The following CRIM1 variants were observed in gnomAD, a reference collection of about 807,000 sequenced individuals.
CRIM1 encodes cysteine rich transmembrane BMP regulator 1.
A neutral mutation model predicts 116.4 loss-of-function variants in CRIM1; 32 were observed. The observed-to-expected ratio is 0.27, with a 90% CI of 0.21 to 0.37. The LOEUF is 0.37. Among genes scored for constraint, CRIM1 ranks in the 10% least tolerant of loss-of-function variants. CRIM1 has a pLI of 1.00. For missense variants in CRIM1, 1,331 were observed against 1,354.8 expected, an observed-to-expected ratio of 0.98 and a Z score of 0.28; for synonymous variants, 590 against 509.2, an observed-to-expected ratio of 1.16 and a Z score of -2.13.
intron 2 of CRIM1, among the ~76,000 whole-genome samples, chr2:36,400,052 T>C (rs1368791811): frequency 2.9e-4 from 44 of 152,078 alleles, no homozygotes; most frequent in Non-Finnish European, 2.9e-5. Flanking sequence ...AGGTAGCCGG[T>C]TGGGTATTTT....
At chr2:36,469,249 A>G (rs901057180) in intron 5 of CRIM1, among the ~76,000 whole-genome samples, 4 of 152,194 alleles carry the variant, frequency 2.6e-5, no homozygotes, top group African/African-American at 9.7e-5. Flanking sequence ...ACTAGCCAAA[A>G]GCAACTTCAG....
chr2:36,483,701 T>C (rs1017025902), intron 7 of CRIM1, among the ~76,000 whole-genome samples: 1 of 152,106 alleles, frequency 6.6e-6, no homozygotes, highest in Non-Finnish European at 1.5e-5. Context: ...ACATGTGATG[T>C]GTAAGTAGAT....
At chr2:36,466,236 G>A (rs1181645491) in intron 5 of CRIM1, among the ~76,000 whole-genome samples, 2 of 152,000 alleles carry the variant, frequency 1.3e-5, no homozygotes, top group African/African-American at 2.4e-5. Flanking sequence ...GCACAGTTCT[G>A]GACATTGGGG....
At position 36,361,236 on chromosome 2, in the gene CRIM1, T is replaced by C. The variant is rs545884860; in HGVS notation, c.331+4613T>C. On this transcript the variant is annotated intron_variant, in intron 1 of 16. Transcript: ENST00000280527. ...GGCAAAAATAGCAAGTCTGGAGATATTTGTTGCCATTCACACATATTGTAC... is the reference window on the plus strand; with the variant it reads ...GGCAAAAATAGCAAGTCTGGAGATACTTGTTGCCATTCACACATATTGTAC... Among the ~76,000 whole-genome samples, 259 of 152,274 alleles carry C rather than the reference T, an allele frequency of 1.7e-3. 2 individuals carry two copies. The highest frequency in any genetic ancestry group is 3.8e-4 in the Non-Finnish European group (26 of 68,028).
chr2:36,491,029 C>T (rs115477353), intron 7 of CRIM1, among the ~76,000 whole-genome samples: 1 of 152,196 alleles, frequency 6.6e-6, no homozygotes, highest in Non-Finnish European at 1.5e-5. Flanking sequence ...CATAACTTCA[C>T]GCAGTAGAAG....
chr2:36,487,477 T>A (rs532856273), intron 7 of CRIM1, among the ~76,000 whole-genome samples: 1 of 151,890 alleles, frequency 6.6e-6, no homozygotes, highest in South Asian at 2.1e-4. Context: ...CTTTTGAATA[T>A]CCTTAGCTTT....
At chr2:36,469,227 G>C (rs1356841096) in intron 5 of CRIM1, among the ~76,000 whole-genome samples, 1 of 152,160 alleles carries the variant, frequency 6.6e-6, no homozygotes, top group East Asian at 1.9e-4. Context: ...AGCATTACTT[G>C]TGTATGGCAC....
intron 8 of CRIM1, among the ~76,000 whole-genome samples, chr2:36,502,444 G>A (rs527378188): frequency 7.2e-5 from 11 of 152,286 alleles, no homozygotes; most frequent in African/African-American, 2.4e-4. Flanking sequence ...ATAGGTACAG[G>A]AGGAGACCAT....
chr2:36,515,887 C>T (rs911894763), intron 11 of CRIM1, among the ~76,000 whole-genome samples: 17 of 152,326 alleles, frequency 1.1e-4, no homozygotes, highest in Admixed American at 1.3e-4. Flanking sequence ...ATTCATTTAT[C>T]GATACTCTTT....
At chr2:36,526,070 G>C (rs373411772) in intron 13 of CRIM1, among the ~76,000 whole-genome samples, 25 of 152,234 alleles carry the variant, frequency 1.6e-4, no homozygotes, top group African/African-American at 6.0e-4. Context: ...AAAGTGAACA[G>C]CTTTGTCTAG....
intron 1 of CRIM1, among the ~76,000 whole-genome samples, chr2:36,360,574 A>C (rs1439915295): frequency 6.6e-6 from 1 of 152,196 alleles, no homozygotes; most frequent in African/African-American, 2.4e-5. Flanking sequence ...AGCAAAAAAC[A>C]GAATTTTGTT....
Position 36,374,077 on chromosome 2 carries a change from T to A in CRIM1, c.331+17454T>A, listed in dbSNP as rs545550167. Among the ~76,000 whole-genome samples the A allele has an allele frequency of 2.6e-4, 39 of 152,372 alleles. No individual in the cohort carries two copies. The South Asian group carries it at 8.1e-3, about 32-fold the overall frequency. ...CACCTACCAGGTTTATAGTTGCTGA[T>A]GTCCTACCCATACTATGTGTCAAGA... On this transcript the variant is annotated intron_variant, in intron 1 of 16. Transcript: ENST00000280527.
chr2:36,542,374 G>C (rs1667006440), intron 14 of CRIM1, among the ~76,000 whole-genome samples: 1 of 152,228 alleles, frequency 6.6e-6, no homozygotes, highest in Non-Finnish European at 1.5e-5. Flanking sequence ...TTTCCCTGCT[G>C]TTTCCAAGTA....
At chr2:36,397,277 A>G (rs970579800) in intron 2 of CRIM1, among the ~76,000 whole-genome samples, 3 of 152,234 alleles carry the variant, frequency 2.0e-5, no homozygotes, top group Non-Finnish European at 4.4e-5. Flanking sequence ...AGGGATCATT[A>G]GGCTCTTCAC....
chr2:36,533,838 C>T (rs1482009950), intron 13 of CRIM1, among the ~76,000 whole-genome samples: 1 of 152,072 alleles, frequency 6.6e-6, no homozygotes, highest in Non-Finnish European at 1.5e-5. Flanking sequence ...GAAAACACCA[C>T]ACATCATAGC....
At chr2:36,369,977 C>T (rs1669844070) in intron 1 of CRIM1, among the ~76,000 whole-genome samples, 1 of 152,174 alleles carries the variant, frequency 6.6e-6, no homozygotes, top group East Asian at 1.9e-4. Context: ...AAACAACGCC[C>T]CAGCTTGAAG....
At position 36,389,749 on chromosome 2, in the gene CRIM1, G is replaced by A. The variant is rs567748740; in HGVS notation, c.332-6865G>A. Among the ~76,000 whole-genome samples, 77 of 152,178 alleles carry A rather than the reference G, an allele frequency of 5.1e-4. 2 individuals carry two copies. In the South Asian group the frequency reaches 8.7e-3, roughly 17 times the overall value. On this transcript the variant is annotated intron_variant, in intron 1 of 16. Transcript: ENST00000280527. Reference sequence around the variant, plus strand: ...GAACACACAGTACTTTGTCCAGTACGTGCACTCATACCTGAAATGTTTTGT... The same window carrying A: ...GAACACACAGTACTTTGTCCAGTACATGCACTCATACCTGAAATGTTTTGT...
At chr2:36,471,344 C>A (rs1474812679) in intron 5 of CRIM1, among the ~76,000 whole-genome samples, 1 of 152,088 alleles carries the variant, frequency 6.6e-6, no homozygotes, top group Non-Finnish European at 1.5e-5. Context: ...TCACATGCTA[C>A]AAAGAAATCT....
At chr2:36,438,579 A>G (rs1485437623) in intron 2 of CRIM1, among the ~76,000 whole-genome samples, 3 of 152,180 alleles carry the variant, frequency 2.0e-5, no homozygotes, top group Non-Finnish European at 4.4e-5. Flanking sequence ...AGTGGGCTAG[A>G]TGGATTCTCT....
Sources: allele counts gnomAD v4.1 joint callset (sites outside exome capture counted in the v4.1 genomes callset), GRCh38; gene constraint gnomAD v4.1.1; transcripts MANE v1.5; gene names NCBI Gene and HGNC (gene_info 2026-07-23, HGNC 2026-07-21).